LUC7L2: variants seen among roughly 807,000 people sequenced by gnomAD.
LUC7L2 encodes the protein putative RNA-binding protein Luc7-like 2.
LUC7L2 carries 25 observed loss-of-function variants against 52.8 expected under a neutral mutation model. The ratio of observed to expected loss-of-function variants is 0.47; its 90% CI spans 0.34 to 0.66. The LOEUF (loss-of-function observed/expected upper bound fraction) is 0.66. LUC7L2 is among the 30% of genes least tolerant of loss of function. LUC7L2 has a pLI of 0.01. For missense variants in LUC7L2, 328 were observed against 497.8 expected (o/e 0.66, Z 3.25); for synonymous variants, 144 against 160.9 (o/e 0.89, Z 0.80).
At chr7:139,419,398 G>GGAGT (rs986474867) in intron 9 of LUC7L2, among the ~76,000 whole-genome samples, 6 of 152,128 alleles carry the variant, frequency 3.9e-5, no homozygotes, top group Non-Finnish European at 7.4e-5. Context: ...GAATGAGGAG[G>GGAGT]GAGTTTGTAA....
intron 1 of LUC7L2, among the ~76,000 whole-genome samples, chr7:139,369,516 G>C (rs2131198466): frequency 6.6e-6 from 1 of 152,258 alleles, no homozygotes. Context: ...GCAGGGCATG[G>C]AATAGAGCCT....
At chr7:139,401,191 T>C (rs1794897899) in intron 3 of LUC7L2, among the ~76,000 whole-genome samples, 1 of 151,382 alleles carries the variant, frequency 6.6e-6, no homozygotes, top group African/African-American at 2.4e-5. Flanking sequence ...AGATAAGTTT[T>C]CCTGATGTGC....
intron 7 of LUC7L2, among the ~76,000 whole-genome samples, chr7:139,410,515 C>A (rs1280344608): frequency 2.6e-5 from 4 of 151,240 alleles, no homozygotes; most frequent in African/African-American, 7.4e-5. Context: ...TCTAAACATT[C>A]TTCTGAGTCA....
At chr7:139,375,988 A>G in intron 1 of LUC7L2, 74 bp from the exon 2 acceptor site, 1 of 1,487,528 alleles carries the variant, frequency 6.7e-7, no homozygotes. Flanking sequence ...ATAAAAAGCT[A>G]GTAATAGTAG....
chr7:139,366,928 A>G (rs1354756242), intron 1 of LUC7L2, among the ~76,000 whole-genome samples: 1 of 152,182 alleles, frequency 6.6e-6, no homozygotes, highest in East Asian at 1.9e-4. Flanking sequence ...CCTCTTCTAG[A>G]TCAGTGTTTC....
At position 139,360,320 on chromosome 7, in the gene LUC7L2, A is replaced by G; in HGVS notation, c.59A>G (p.Asp20Gly). 1 of 1,566,626 alleles carries G rather than the reference A, an allele frequency of 6.4e-7. No individual in the cohort carries two copies. The highest frequency in any genetic ancestry group is 8.6e-7 in the Non-Finnish European group (1 of 1,156,658). The change falls in exon 1 of 10, where the codon GAC becomes GGC. Residue 20 changes from aspartate to glycine, a missense_variant and splice_region_variant. Asp to Gly is a moderately conservative substitution (Grantham distance 94). Around this residue, in one of 2 missense-constraint regions of LUC7L2, gnomAD observed 133 missense variants for 274.4 expected, o/e 0.48. Coordinates refer to ENST00000354926, the MANE Select transcript of LUC7L2 (RefSeq NM_016019.5). ...GACCAGTTGATGGGCACCTCCCGGGACGGTAAGTCTCTGCCAGGGCCCTGG... is the reference window on the plus strand; with the variant it reads ...GACCAGTTGATGGGCACCTCCCGGGGCGGTAAGTCTCTGCCAGGGCCCTGG... Reference protein sequence around the residue: ...MLDQLMGTSRDGDTTRQRIKF... With the variant: ...MLDQLMGTSRGGDTTRQRIKF...
intron 1 of LUC7L2, among the ~76,000 whole-genome samples, chr7:139,367,729 CAGAG>C (rs1312134789): frequency 6.6e-6 from 1 of 152,328 alleles, no homozygotes; most frequent in South Asian, 2.1e-4. Flanking sequence ...GCCTGTGAGA[CAGAG>C]AGATCTAGGA....
intron 3 of LUC7L2, among the ~76,000 whole-genome samples, chr7:139,401,416 CT>C (rs1402342556): frequency 6.6e-6 from 1 of 151,994 alleles, no homozygotes; most frequent in Non-Finnish European, 1.5e-5. Context: ...TTGTAATTTG[CT>C]TTTTATTTAC....
chr7:139,419,189 A>G (rs944824697), intron 9 of LUC7L2, among the ~76,000 whole-genome samples: 1 of 152,214 alleles, frequency 6.6e-6, no homozygotes, highest in African/African-American at 2.4e-5. Flanking sequence ...CATCTTTGAC[A>G]ATAATTAGAC....
chr7:139,362,038 T>TTA (rs1278091844), intron 1 of LUC7L2, among the ~76,000 whole-genome samples: 1 of 152,126 alleles, frequency 6.6e-6, no homozygotes, highest in Non-Finnish European at 1.5e-5. Flanking sequence ...TATTTCTGTG[T>TTA]GTGTAGTCAG....
At chr7:139,388,038 T>C (rs1012557473) in intron 2 of LUC7L2, among the ~76,000 whole-genome samples, 1 of 152,324 alleles carries the variant, frequency 6.6e-6, no homozygotes. Flanking sequence ...TTCTCCTCTC[T>C]ACAAATTTAA....
Position 139,382,724 on chromosome 7 carries a change from A to G in LUC7L2, c.156+6568A>G, listed in dbSNP as rs1801101235. On this transcript the variant is annotated intron_variant, in intron 2 of 9. Coordinates refer to ENST00000354926, the MANE Select transcript of LUC7L2 (RefSeq NM_016019.5). The stretch of plus-strand genomic sequence containing the variant: ...AATTAAAGTAAAAATGTATTTGCTT[A>G]TTTGAAGTGATTAGATGGGATTATT... Among the ~76,000 whole-genome samples the G allele has an allele frequency of 5.3e-5, 8 of 152,114 alleles. No individual in the cohort carries two copies. The South Asian group carries it at 1.7e-3, about 32-fold the overall frequency.
intron 4 of LUC7L2, among the ~76,000 whole-genome samples, chr7:139,404,538 A>G (rs1795040630): frequency 6.6e-6 from 1 of 152,086 alleles, no homozygotes; most frequent in Non-Finnish European, 1.5e-5. Flanking sequence ...AAAAATTAAA[A>G]CCTTCTTTGC....
intron 1 of LUC7L2, among the ~76,000 whole-genome samples, chr7:139,347,320 G>C (rs1286660569): frequency 6.7e-6 from 1 of 149,956 alleles, no homozygotes; most frequent in Non-Finnish European, 1.5e-5. Flanking sequence ...GGGTGTGGTG[G>C]CTCACACCTG....
chr7:139,402,761 C>T (rs973849699), intron 4 of LUC7L2, among the ~76,000 whole-genome samples: 2 of 152,050 alleles, frequency 1.3e-5, no homozygotes, highest in Admixed American at 6.5e-5. Flanking sequence ...TGGCCTCAAG[C>T]GATCTACCCA....
chr7:139,348,682 G>A (rs1005368074), intron 1 of LUC7L2, among the ~76,000 whole-genome samples: 1 of 151,636 alleles, frequency 6.6e-6, no homozygotes, highest in East Asian at 1.9e-4. Context: ...TCACACAACT[G>A]CACTCAAGCC....
intron 1 of LUC7L2, among the ~76,000 whole-genome samples, chr7:139,351,523 C>T (rs937719750): frequency 1.3e-5 from 2 of 152,194 alleles, no homozygotes; most frequent in Non-Finnish European, 2.9e-5. Flanking sequence ...TCCAATTATG[C>T]TCTCTTCAAG....
intron 2 of LUC7L2, among the ~76,000 whole-genome samples, chr7:139,391,134 A>G (rs1794433031): frequency 1.3e-5 from 2 of 152,194 alleles, no homozygotes; most frequent in Non-Finnish European, 2.9e-5. Flanking sequence ...GTTCTCTTAC[A>G]TGCAGTGAGT....
At chr7:139,412,633 G>C in intron 8 of LUC7L2, 53 bp downstream of exon 8, 1 of 1,545,286 alleles carries the variant, frequency 6.5e-7, no homozygotes, top group Non-Finnish European at 8.7e-7. Flanking sequence ...TTTTTCAAAG[G>C]TAGTTTTTAT....
Sources: gnomAD v4.1 joint callset for allele counts (sites outside exome capture counted in the v4.1 genomes callset) on GRCh38, gnomAD v4.1.1 for gene constraint, gnomAD v4.1.1 regional missense constraint, MANE v1.5 for transcripts, NCBI Gene and HGNC (gene_info 2026-07-23, HGNC 2026-07-21) for gene names.